The following ARHGEF18 variants were observed in gnomAD, a reference collection of about 807,000 sequenced individuals.
The protein encoded by ARHGEF18 is Rho/Rac guanine nucleotide exchange factor 18.
Under a neutral mutation model 155.7 loss-of-function variants are expected in ARHGEF18, and 93 were observed. The observed-to-expected ratio is 0.60, with a 90% CI of 0.50 to 0.71. ARHGEF18 has a LOEUF of 0.71. ARHGEF18 is among the 30% of genes least tolerant of loss of function. ARHGEF18 has a pLI of 0.00. For synonymous variants in ARHGEF18, 742 were observed against 753.1 expected (o/e 0.99, Z 0.24); for missense variants, 1,593 against 1,816.1 (o/e 0.88, Z 2.23).
intron 1 of ARHGEF18, among the ~76,000 whole-genome samples, chr19:7,360,264 C>T (rs1969492010): frequency 6.7e-6 from 1 of 150,348 alleles, no homozygotes; most frequent in Admixed American, 6.6e-5. Flanking sequence ...GAGACAGAGT[C>T]TCACTCTGTC....
chr19:7,475,812 T>C (rs1023295003), downstream of ARHGEF18, among the ~76,000 whole-genome samples: 1 of 152,032 alleles, frequency 6.6e-6, no homozygotes, highest in Non-Finnish European at 1.5e-5. Context: ...AGGTAGACAA[T>C]GAGATGCCCT....
chr19:7,428,143 T>C (rs895000520), intron 10 of ARHGEF18, among the ~76,000 whole-genome samples: 2 of 152,206 alleles, frequency 1.3e-5, no homozygotes, highest in African/African-American at 4.8e-5. Context: ...TGTAAGGATT[T>C]TCATGTTTAT....
intron 13 of ARHGEF18, 48 bp downstream of exon 13, chr19:7,442,100 T>C (rs1300001878): frequency 1.3e-6 from 2 of 1,597,528 alleles, no homozygotes; most frequent in Admixed American, 1.7e-5. Context: ...TCCACTCTCT[T>C]CTCTGCTCCC....
intron 15 of ARHGEF18, among the ~76,000 whole-genome samples, chr19:7,449,006 T>G (rs1280675097): frequency 2.0e-5 from 3 of 152,050 alleles, no homozygotes; most frequent in Non-Finnish European, 4.4e-5. Context: ...GACATGCGTT[T>G]AAACTTCATT....
intron 10 of ARHGEF18, among the ~76,000 whole-genome samples, chr19:7,404,375 C>G (rs1376227925): frequency 1.7e-4 from 25 of 150,920 alleles, no homozygotes; most frequent in Admixed American, 1.6e-3. Flanking sequence ...TAACAGTTGT[C>G]AAGTCACAAA....
At position 7,442,072 on chromosome 19, in the gene ARHGEF18, G is replaced by A. The variant is rs149035383; in HGVS notation, c.1360+20G>A. The stretch of plus-strand genomic sequence containing the variant: ...TTTATGGTGAGGAGTCCACAGCCCT[G>A]TGCCATCACACCGGCCCTCCACTCT... On this transcript the variant is annotated intron_variant, in intron 13 of 28. Transcript: ENST00000668164. The A allele has an allele frequency of 3.5e-3, 5,616 of 1,613,010 alleles. 6 individuals are homozygous for A. The highest frequency in any genetic ancestry group is 4.5e-3 in the Middle Eastern group (27 of 5,960).
chr19:7,453,782 G>A (rs1420134372), intron 17 of ARHGEF18, 67 bp downstream of exon 17: 3 of 1,477,354 alleles, frequency 2.0e-6, no homozygotes, highest in Non-Finnish European at 2.7e-6. Flanking sequence ...GTCTTGGAGT[G>A]GTGGGCACTG....
At chr19:7,363,702 T>TGGAA (rs1040110474) in intron 2 of ARHGEF18, among the ~76,000 whole-genome samples, 3 of 141,848 alleles carry the variant, frequency 2.1e-5, no homozygotes, top group South Asian at 2.3e-4. Flanking sequence ...GAAATGTGAG[T>TGGAA]GGAAGGAAGG....
intron 16 of ARHGEF18, among the ~76,000 whole-genome samples, chr19:7,451,722 T>TTTTTG (rs1453619030): frequency 2.0e-5 from 3 of 148,982 alleles, no homozygotes; most frequent in Admixed American, 6.7e-5. Flanking sequence ...GGCCTGGGTT[T>TTTTTG]TTTTGTTTTG....
chr19:7,467,336 C>T lies in ARHGEF18; in HGVS notation c.3132C>T (p.Arg1044=). The T allele has an allele frequency of 6.5e-7, 1 of 1,537,740 alleles. No individual in the cohort carries two copies. Among genetic ancestry groups the T allele is most frequent in the South Asian group, 1.2e-5 (1 of 84,198 alleles). The change falls in exon 26 of 29, where the codon CGC becomes CGT. Residue 1044 remains arginine (R), a synonymous_variant. Coordinates refer to ENST00000668164, the MANE Select transcript of ARHGEF18 (RefSeq NM_001367823.1). ...GNLLLEQERQ[R]NFEKQREERA... is the part of the protein sequence containing the mutation. ...TGCTGCTGGAGCAGGAGCGGCAACGCAACTTCGAGAAGCAGCGGGAGGAGC... is the reference window on the plus strand; with the variant it reads ...TGCTGCTGGAGCAGGAGCGGCAACGTAACTTCGAGAAGCAGCGGGAGGAGC...
chr19:7,388,615 T>C (rs1237009563), intron 10 of ARHGEF18, among the ~76,000 whole-genome samples: 4 of 152,080 alleles, frequency 2.6e-5, no homozygotes, highest in Non-Finnish European at 5.9e-5. Flanking sequence ...AGTTTTGCTC[T>C]GTCACCCAGG....
intron 10 of ARHGEF18, among the ~76,000 whole-genome samples, chr19:7,436,621 TAG>T (rs1974273927): frequency 6.6e-6 from 1 of 152,138 alleles, no homozygotes; most frequent in Non-Finnish European, 1.5e-5. Flanking sequence ...ACTATTGTAT[TAG>T]AGCAGAATTA....
At chr19:7,414,034 C>T (rs546942736) in intron 10 of ARHGEF18, among the ~76,000 whole-genome samples, 11 of 152,092 alleles carry the variant, frequency 7.2e-5, no homozygotes, top group South Asian at 2.1e-4. Context: ...TAGATTCCTG[C>T]GCGTGGGTCT....
intron 2 of ARHGEF18, among the ~76,000 whole-genome samples, chr19:7,369,967 G>A (rs781109008): frequency 9.2e-5 from 14 of 151,842 alleles, no homozygotes; most frequent in Middle Eastern, 3.2e-3. Flanking sequence ...GAGGCTGAGC[G>A]GGGAGGATCA....
chr19:7,439,830 C>G, intron 10 of ARHGEF18: 1 of 1,440,820 alleles, frequency 6.9e-7, no homozygotes, highest in Non-Finnish European at 9.1e-7. Context: ...CAAACTCAAA[C>G]AGCTCACTTG....
At chr19:7,377,875 C>T (rs1365848336) in intron 5 of ARHGEF18, among the ~76,000 whole-genome samples, 1 of 151,578 alleles carries the variant, frequency 6.6e-6, no homozygotes, top group Non-Finnish European at 1.5e-5. Context: ...ACCTGAGGTC[C>T]AGAGTTCGAG....
chr19:7,432,069 C>T (rs1028418010), intron 10 of ARHGEF18, among the ~76,000 whole-genome samples: 4 of 151,860 alleles, frequency 2.6e-5, no homozygotes, highest in East Asian at 1.9e-4. Flanking sequence ...CCCTGAGGTG[C>T]GGGATGAAGG....
intron 10 of ARHGEF18, among the ~76,000 whole-genome samples, chr19:7,431,346 G>A (rs1299985464): frequency 6.6e-6 from 1 of 151,544 alleles, no homozygotes; most frequent in Admixed American, 6.6e-5. Context: ...GTAAAACCCC[G>A]TCTCTACTAA....
chr19:7,393,047 CAAAAAAAAAAAAAAAA>C (rs60015151), intron 10 of ARHGEF18, among the ~76,000 whole-genome samples: 3 of 56,684 alleles, frequency 5.3e-5, no homozygotes, highest in East Asian at 8.4e-4. Flanking sequence ...GATCCTGTCT[CAAAAAAAAAAAAAAAA>C]AAAAAAAAAG....
Sources: allele counts gnomAD v4.1 joint callset (sites outside exome capture counted in the v4.1 genomes callset), GRCh38; gene constraint gnomAD v4.1.1; transcripts MANE v1.5; gene names NCBI Gene and HGNC (gene_info 2026-07-23, HGNC 2026-07-21).